The following MTUS1 variants were observed in gnomAD, a reference collection of about 807,000 sequenced individuals.
The protein encoded by MTUS1 is microtubule-associated tumor suppressor 1.
In MTUS1, 109 loss-of-function variants were observed where a neutral mutation model predicts 120.8. The ratio of observed to expected loss-of-function variants is 0.90; its 90% CI spans 0.77 to 1.06. The LOEUF (loss-of-function observed/expected upper bound fraction) is 1.06. MTUS1 is among the 50% of genes least tolerant of loss of function. MTUS1 has a pLI of 0.00. For synonymous variants in MTUS1, 737 were observed against 550.5 expected, an observed-to-expected ratio of 1.34 and a Z score of -4.74; for missense variants, 2,210 against 1,486.3, an observed-to-expected ratio of 1.49 and a Z score of -8.01.
chr8:17,675,411 C>G, intron 7 of MTUS1, 159 bp from the exon 8 acceptor site: 1 of 596,892 alleles, frequency 1.7e-6, no homozygotes, highest in Non-Finnish European at 2.9e-6. Flanking sequence ...ACACAGTTGT[C>G]CCTTAGCTGT....
At chr8:17,759,571 T>C (rs931423184) in intron 1 of MTUS1, among the ~76,000 whole-genome samples, 2 of 148,984 alleles carry the variant, frequency 1.3e-5, no homozygotes, top group Non-Finnish European at 3.0e-5. Context: ...TTCTTTATAA[T>C]GTGCATGTTA....
In MTUS1 at chr8:17,742,290, TG is replaced by T. The variant is rs1349283379; in HGVS notation, c.2287+1313del. ...AGCTGTTTTTTTTTTTTGTTGTTGTTGTTTTTTTTTTTTTTTTTTTTAGAGA... is the reference window on the plus strand; with the variant it reads ...AGCTGTTTTTTTTTTTTGTTGTTGTTTTTTTTTTTTTTTTTTTTTTAGAGA... On this transcript the variant is annotated intron_variant, in intron 3 of 14. Coordinates refer to ENST00000693296, the MANE Select transcript of MTUS1 (RefSeq NM_001363059.2). Among the ~76,000 whole-genome samples, 78 of 102,252 alleles carry T rather than the reference TG, an allele frequency of 7.6e-4. 3 individuals are homozygous for T. Among genetic ancestry groups the T allele is most frequent in the Middle Eastern group, 5.3e-3 (1 of 190 alleles). The allele number at this position is 102,252 out of a possible 152,430, so 67.1% of individuals were successfully genotyped here.
At chr8:17,763,796 G>A (rs76430671) in intron 1 of MTUS1, among the ~76,000 whole-genome samples, 2 of 152,158 alleles carry the variant, frequency 1.3e-5, no homozygotes, top group African/African-American at 4.8e-5. Context: ...TGTTTTGCAG[G>A]TAATGCTGTG....
chr8:17,781,926 A>G (rs2050904754), intron 1 of MTUS1, among the ~76,000 whole-genome samples: 1 of 152,206 alleles, frequency 6.6e-6, no homozygotes, highest in African/African-American at 2.4e-5. Flanking sequence ...CTGTGGGATT[A>G]GCAACACTCC....
rs142572568 is a variant in MTUS1, at chr8:17,646,209, C to T, written c.3600-70G>A. 337 of 1,437,268 alleles carry T rather than the reference C, an allele frequency of 2.3e-4. 1 individual carries two copies. In the East Asian group the frequency reaches 5.8e-3, roughly 25 times the overall value. 89.0% of individuals were successfully genotyped at this position (1,437,268 alleles called of 1,614,324 possible). A position where few individuals can be genotyped will look rare whatever the true frequency, so the allele number is the denominator to read the frequency against. Reference sequence around the variant, plus strand: ...AAAAAACTTGAAAAATTTTTCTTAGCGTTTGAAACTTTAAAGTCCAAAATT... The same window carrying T: ...AAAAAACTTGAAAAATTTTTCTTAGTGTTTGAAACTTTAAAGTCCAAAATT... On this transcript the variant is annotated intron_variant, in intron 14 of 14. Transcript: ENST00000693296.
intron 5 of MTUS1, among the ~76,000 whole-genome samples, chr8:17,713,967 G>A (rs915840068): frequency 1.3e-5 from 2 of 152,244 alleles, no homozygotes; most frequent in Non-Finnish European, 2.9e-5. Context: ...CAATAGTGAG[G>A]CATTTTAGAA....
chr8:17,650,082 A>T (rs1806664877), intron 12 of MTUS1, 120 bp from the exon 13 acceptor site: 2 of 714,544 alleles, frequency 2.8e-6, no homozygotes, highest in South Asian at 3.2e-5. Context: ...TCATCATCTT[A>T]GAGCAATTTC....
intron 3 of MTUS1, among the ~76,000 whole-genome samples, chr8:17,742,905 C>T (rs983036546): frequency 3.9e-5 from 6 of 152,076 alleles, no homozygotes; most frequent in Non-Finnish European, 5.9e-5. Context: ...AAGGCTGTAC[C>T]GGCAGAAGTA....
At chr8:17,739,107 C>G (rs1306388552) in intron 3 of MTUS1, among the ~76,000 whole-genome samples, 1 of 152,072 alleles carries the variant, frequency 6.6e-6, no homozygotes, top group Non-Finnish European at 1.5e-5. Context: ...GGAGTCAGTG[C>G]ACTCCGGCCT....
intron 7 of MTUS1, chr8:17,676,087 T>C (rs1212442859): frequency 1.0e-5 from 6 of 571,550 alleles, no homozygotes; most frequent in Non-Finnish European, 1.9e-5. Flanking sequence ...CGCTGAAAAA[T>C]GCCCTCACGA....
chr8:17,756,289 TTC>T (rs1370990302), intron 1 of MTUS1, among the ~76,000 whole-genome samples: 2 of 152,184 alleles, frequency 1.3e-5, no homozygotes, highest in Non-Finnish European at 2.9e-5. Context: ...CAATAGTATT[TTC>T]TTCTTGTTGG....
At chr8:17,775,644 T>C (rs768688068) in intron 1 of MTUS1, among the ~76,000 whole-genome samples, 5 of 152,222 alleles carry the variant, frequency 3.3e-5, no homozygotes, top group East Asian at 1.9e-4. Context: ...CATTATATCA[T>C]AGAAGAGTAA....
chr8:17,720,116 A>G (rs1230079874), intron 4 of MTUS1, among the ~76,000 whole-genome samples: 1 of 152,154 alleles, frequency 6.6e-6, no homozygotes, highest in East Asian at 1.9e-4. Flanking sequence ...AGGCAGACGC[A>G]GGCATATCAC....
chr8:17,664,552 C>A (rs888258533), intron 8 of MTUS1, among the ~76,000 whole-genome samples: 10 of 151,608 alleles, frequency 6.6e-5, no homozygotes, highest in Admixed American at 2.0e-4. Context: ...CTCTCTTGGC[C>A]GCCTGGGAAA....
rs544892827 is a variant in MTUS1, at chr8:17,711,948, G to A, written c.2623+1266C>T. 5.3e-5 allele frequency among the ~76,000 whole-genome samples: 8 copies of A among 152,268 alleles called. No homozygotes were observed. In the South Asian group the frequency reaches 1.7e-3, roughly 32 times the overall value. On this transcript the variant is annotated intron_variant, in intron 6 of 14. Coordinates refer to ENST00000693296, the MANE Select transcript of MTUS1 (RefSeq NM_001363059.2). ...TCAGTGGAGCACTTGAAATGCAAACGTATCAGCTGTGTTCACTGTCTTAGA... is the reference window on the plus strand; with the variant it reads ...TCAGTGGAGCACTTGAAATGCAAACATATCAGCTGTGTTCACTGTCTTAGA...
chr8:17,717,150 T>C (rs1244301954), intron 4 of MTUS1, among the ~76,000 whole-genome samples: 1 of 152,214 alleles, frequency 6.6e-6, no homozygotes, highest in Non-Finnish European at 1.5e-5. Flanking sequence ...CCCTGTACAA[T>C]GAGCCATCTG....
chr8:17,755,428 A>G lies in MTUS1; in HGVS notation c.380T>C (p.Val127Ala). Reference protein sequence around the residue: ...LQHSCHSLEAVEGQSVEPSLP... With the variant: ...LQHSCHSLEAAEGQSVEPSLP... ...AGATGGCTCAACACTCTGGCCCTCA[A>G]CTGCTTCTAGGGAATGACAACTGTG... is the stretch of plus-strand genomic sequence containing the variant. The change falls in exon 2 of 15, where the codon GTT becomes GCT. Residue 127 changes from valine (V) to alanine (A), a missense_variant. Coordinates refer to ENST00000693296, the MANE Select transcript of MTUS1 (RefSeq NM_001363059.2). 1 of 1,614,218 alleles carries G rather than the reference A, an allele frequency of 6.2e-7. No homozygotes were observed.
chr8:17,795,681 C>T (rs2052166079), intron 1 of MTUS1, among the ~76,000 whole-genome samples: 1 of 152,180 alleles, frequency 6.6e-6, no homozygotes, highest in African/African-American at 2.4e-5. Context: ...ACTCTGTCAC[C>T]CAGGCTAGAG....
Position 17,753,847 on chromosome 8 carries a change from G to A in MTUS1, c.1961C>T (p.Thr654Ile), listed in dbSNP as rs956276807. ...KMESAECLEMTYVPNIDRISP... is the reference protein window; with the variant it reads ...KMESAECLEMIYVPNIDRISP... ...AATCCTATCAATGTTGGGAACATAG[G>A]TCATTTCCAAACATTCTGCACTTTC... Residue 654 changes from threonine to isoleucine, a missense_variant, in exon 2 of 15, where the codon ACC becomes ATC. Coordinates refer to ENST00000693296, the MANE Select transcript of MTUS1 (RefSeq NM_001363059.2). The A allele has an allele frequency of 1.9e-6, 3 of 1,614,016 alleles. No individual in the cohort carries two copies. Among genetic ancestry groups the A allele is most frequent in the Non-Finnish European group, 8.5e-7 (1 of 1,179,924 alleles).
Sources: allele counts gnomAD v4.1 joint callset (sites outside exome capture counted in the v4.1 genomes callset), GRCh38; gene constraint gnomAD v4.1.1; transcripts MANE v1.5; gene names NCBI Gene and HGNC (gene_info 2026-07-23, HGNC 2026-07-21).